RYR3: variants seen among roughly 807,000 people sequenced by gnomAD.
RYR3 encodes the protein brain ryanodine receptor-calcium release channel.
In RYR3, 207 loss-of-function variants were observed where a neutral mutation model predicts 584.3. The ratio of observed to expected loss-of-function variants is 0.35; its 90% CI spans 0.32 to 0.40. The LOEUF (loss-of-function observed/expected upper bound fraction) is 0.40. Among genes scored for constraint, RYR3 ranks in the 10% least tolerant of loss-of-function variants. The pLI is 1.00. For missense variants in RYR3, 5,616 were observed against 6,089.2 expected (o/e 0.92, Z 2.59); for synonymous variants, 2,416 against 2,248.5 (o/e 1.07, Z -2.11).
intron 1 of RYR3, among the ~76,000 whole-genome samples, chr15:33,341,009 C>A (rs938121967): frequency 2.0e-5 from 3 of 152,078 alleles, no homozygotes; most frequent in African/African-American, 7.2e-5. Flanking sequence ...ACTGCTAAGC[C>A]CCATCCCCAG....
chr15:33,837,489 G>T (rs201493731), intron 88 of RYR3, 142 bp from the exon 89 acceptor site: 23 of 870,586 alleles, frequency 2.6e-5, no homozygotes. Context: ...TTTATGGCTT[G>T]CTGCTCCCTC....
intron 57 of RYR3, among the ~76,000 whole-genome samples, chr15:33,752,717 T>G: frequency 6.6e-6 from 1 of 152,222 alleles, no homozygotes; most frequent in East Asian, 1.9e-4. Flanking sequence ...TTGAATACCC[T>G]TTATTTCTTT....
At chr15:33,850,677 T>C (rs1283731514) in intron 94 of RYR3, 1 of 152,212 alleles carries the variant, frequency 6.6e-6, no homozygotes. Flanking sequence ...TACTTTTATA[T>C]TGTTAAGCAC....
rs775816502 is a variant in RYR3 at position 33,662,423 on chromosome 15, C to T, written c.4893C>T (p.Ile1631=). ...RKLMMKNEYI[I]PITSTTRNIR... ...TGATGATGAAGAACGAGTACATCAT[C>T]CCCATTACCAGCACCACCAGGAATA... Residue 1631 remains isoleucine (I), a synonymous_variant, in exon 35 of 104, where the codon ATC becomes ATT. Transcript: ENST00000634891. 1.2e-6 allele frequency: 2 copies of T among 1,614,002 alleles called. No homozygotes were observed. The highest frequency in any genetic ancestry group is 1.7e-6 in the Non-Finnish European group (2 of 1,179,872).
At position 33,662,473 on chromosome 15, in the gene RYR3, A is replaced by G; in HGVS notation, c.4943A>G (p.Lys1648Arg). The G allele has an allele frequency of 2.5e-6, 4 of 1,613,912 alleles. No homozygotes were observed. The highest frequency in any genetic ancestry group is 1.7e-5 in the Admixed American group (1 of 60,020). Residue 1648 changes from lysine (K) to arginine (R), a missense_variant, in exon 35 of 104, where the codon AAG becomes AGG. Transcript: ENST00000634891. ...ATCCGCCTCTTCCCGGACGAGTCCAAGAGGCATGGACTGCCTGGGGTGGGC... is the reference window on the plus strand; with the variant it reads ...ATCCGCCTCTTCCCGGACGAGTCCAGGAGGCATGGACTGCCTGGGGTGGGC... ...RNIRLFPDES[K>R]RHGLPGVGLR... is the part of the protein sequence containing the mutation.
intron 51 of RYR3, among the ~76,000 whole-genome samples, chr15:33,741,757 G>T (rs1458352758): frequency 6.6e-6 from 1 of 152,048 alleles, no homozygotes; most frequent in Non-Finnish European, 1.5e-5. Context: ...GGGACCACAG[G>T]CACCAGCCAC....
chr15:33,688,670 A>G (rs1379140348), intron 38 of RYR3, among the ~76,000 whole-genome samples: 3 of 152,168 alleles, frequency 2.0e-5, no homozygotes, highest in Admixed American at 6.5e-5. Flanking sequence ...CAAAACCACA[A>G]TGAAATATCA....
At chr15:33,475,061 C>T (rs2572187) in intron 2 of RYR3, among the ~76,000 whole-genome samples, 88,674 of 151,926 alleles carry the variant, frequency 0.58, 26,668 homozygotes, top group African/African-American at 0.75. Flanking sequence ...TTTTGTTTTG[C>T]TTTGTTTTGT....
At chr15:33,411,796 C>T (rs972741141) in intron 1 of RYR3, among the ~76,000 whole-genome samples, 6 of 152,210 alleles carry the variant, frequency 3.9e-5, no homozygotes, top group Non-Finnish European at 7.4e-5. Context: ...TCTGGTTGCA[C>T]GGTAATGGCT....
At chr15:33,534,775 A>G (rs2055185880) in intron 5 of RYR3, among the ~76,000 whole-genome samples, 1 of 152,228 alleles carries the variant, frequency 6.6e-6, no homozygotes, top group African/African-American at 2.4e-5. Context: ...TCGGAACATC[A>G]GCAATTAATG....
chr15:33,664,613 A>ATATATATATATATATATATG (rs1555399525), intron 36 of RYR3, among the ~76,000 whole-genome samples: 2 of 141,346 alleles, frequency 1.4e-5, no homozygotes, highest in African/African-American at 5.4e-5. Context: ...ATATATATAT[A>ATATATATATATATATATATG]TACGTATGTA....
At chr15:33,411,122 T>C (rs2043375996) in intron 1 of RYR3, among the ~76,000 whole-genome samples, 1 of 152,150 alleles carries the variant, frequency 6.6e-6, no homozygotes, top group Non-Finnish European at 1.5e-5. Context: ...CCTCCCTCCT[T>C]GGCTGAGAAG....
chr15:33,786,084 A>G (rs2074690093), intron 66 of RYR3, 102 bp downstream of exon 66: 1 of 1,068,726 alleles, frequency 9.4e-7, no homozygotes, highest in East Asian at 2.5e-5. Context: ...CACAAGCTCT[A>G]TTCTATATTT....
At chr15:33,388,834 C>G (rs1046972922) in intron 1 of RYR3, among the ~76,000 whole-genome samples, 2 of 151,914 alleles carry the variant, frequency 1.3e-5, no homozygotes, top group African/African-American at 4.8e-5. Context: ...CAGAGTGAAG[C>G]TGGGGAGGAA....
chr15:33,405,683 C>G (rs534620269), intron 1 of RYR3, among the ~76,000 whole-genome samples: 1 of 152,326 alleles, frequency 6.6e-6, no homozygotes, highest in East Asian at 1.9e-4. Context: ...TATTCAGTTG[C>G]AAGTGTCAGA....
At chr15:33,543,915 G>C (rs1262841404) in intron 8 of RYR3, among the ~76,000 whole-genome samples, 200 bp downstream of exon 8, 3 of 152,156 alleles carry the variant, frequency 2.0e-5, no homozygotes, top group East Asian at 1.9e-4. Flanking sequence ...TACACATGCT[G>C]TTCTTAGGCA....
chr15:33,865,260 G>GCAAAGAAGCGCGACAAT lies in RYR3; in HGVS notation c.*34_*35insCAAAGAAGCGCGACAAT. The GCAAAGAAGCGCGACAAT allele has an allele frequency of 6.8e-7, 1 of 1,476,572 alleles. No individual in the cohort carries two copies. Among genetic ancestry groups the GCAAAGAAGCGCGACAAT allele is most frequent in the Non-Finnish European group, 9.4e-7 (1 of 1,061,646 alleles). The allele number at this position is 1,476,572 out of a possible 1,614,324, so 91.5% of individuals were successfully genotyped here. ...CAAAGAAGCGCGACAATTCTGGACA[G>GCAAAGAAGCGCGACAAT]TCAACTTCCCATGAAATAAAGTCCC... On this transcript the variant is annotated 3_prime_UTR_variant, in exon 104 of 104. Transcript: ENST00000634891.
chr15:33,749,876 A>T, intron 55 of RYR3, 103 bp from the exon 56 acceptor site: 1 of 877,004 alleles, frequency 1.1e-6, no homozygotes, highest in Non-Finnish European at 1.8e-6. Context: ...GTTAGTGTTC[A>T]GTGGTGTGCT....
At chr15:33,823,174 C>A in intron 81 of RYR3, 102 bp downstream of exon 81, 2 of 899,298 alleles carry the variant, frequency 2.2e-6, no homozygotes, top group South Asian at 1.8e-5. Flanking sequence ...CCATAGAATT[C>A]TTGAGAGAGG....
Sources: gnomAD v4.1 joint callset for allele counts (sites outside exome capture counted in the v4.1 genomes callset) on GRCh38, gnomAD v4.1.1 for gene constraint, MANE v1.5 for transcripts, NCBI Gene and HGNC (gene_info 2026-07-23, HGNC 2026-07-21) for gene names.